PLEKHG4B: variants seen among roughly 807,000 people sequenced by gnomAD.
The protein encoded by PLEKHG4B is pleckstrin homology domain-containing family G member 4B.
PLEKHG4B carries 111 observed loss-of-function variants against 121.3 expected under a neutral mutation model. That is an observed-to-expected ratio of 0.92 (90% CI 0.78 to 1.07). The LOEUF (loss-of-function observed/expected upper bound fraction) is 1.07, where lower values mean the gene tolerates loss of function less well. Among genes scored for constraint, PLEKHG4B ranks in the 50% least tolerant of loss-of-function variants. The pLI is 0.00. For missense variants in PLEKHG4B, 1,831 were observed against 1,757.8 expected (o/e 1.04, Z -0.74); for synonymous variants, 738 against 725.0 (o/e 1.02, Z -0.29).
intron 13 of PLEKHG4B, among the ~76,000 whole-genome samples, chr5:165,502 G>A (rs1736289634): frequency 4.0e-5 from 2 of 50,034 alleles, no homozygotes; most frequent in Non-Finnish European, 8.3e-5. Flanking sequence ...ATGCTCTGAC[G>A]GGGCGGGGCT....
chr5:121,798 C>T (rs886198102), intron 2 of PLEKHG4B, among the ~76,000 whole-genome samples: 2 of 151,870 alleles, frequency 1.3e-5, no homozygotes, highest in Non-Finnish European at 2.9e-5. Context: ...AAAATAATGA[C>T]ACTTTTAGGT....
At chr5:169,838 C>A (rs1000605615) in intron 14 of PLEKHG4B, among the ~76,000 whole-genome samples, 2 of 152,222 alleles carry the variant, frequency 1.3e-5, no homozygotes, top group Non-Finnish European at 2.9e-5. Flanking sequence ...CCCCTGGAGG[C>A]GGAGGCTCAC....
Position 140,307 on chromosome 5 carries a change from C to T in PLEKHG4B, c.1068C>T (p.Tyr356=). ...CTAGACGCTGGTTCAGGGAGTCGTA[C>T]ATGGAAGCCTTGCGGAACCCCATGC... The part of the protein sequence containing the change: ...VQPRRWFRES[Y]MEALRNPMPL... The change falls in exon 3 of 20, where the codon TAC becomes TAT. Residue 356 remains tyrosine (Y), a synonymous_variant. Coordinates refer to ENST00000637938, the MANE Select transcript of PLEKHG4B (RefSeq NM_052909.5). 6.7e-7 allele frequency: 1 copy of T among 1,498,982 alleles called. No homozygotes were observed. Among genetic ancestry groups the T allele is most frequent in the Non-Finnish European group, 8.9e-7 (1 of 1,126,792 alleles). 92.9% of individuals were successfully genotyped at this position (1,498,982 alleles called of 1,614,324 possible).
At chr5:138,930 T>C (rs889470197) in intron 2 of PLEKHG4B, among the ~76,000 whole-genome samples, 6 of 152,224 alleles carry the variant, frequency 3.9e-5, no homozygotes, top group Admixed American at 6.5e-5. Flanking sequence ...GAGTGGGATC[T>C]CAGCTATTTA....
rs759866867 is a variant in PLEKHG4B, at chr5:181,689, G to T, written c.4564+14G>T. On this transcript the variant is annotated intron_variant, in intron 19 of 19. Transcript: ENST00000637938. ...TCAAGGGCACAGGTACGGTGGCTCG[G>T]TCCCGCCCTCACTCACCCTGCAGAG... The T allele has an allele frequency of 2.5e-6, 4 of 1,607,776 alleles. No individual in the cohort carries two copies. The highest frequency in any genetic ancestry group is 1.7e-5 in the Admixed American group (1 of 59,772).
intron 2 of PLEKHG4B, among the ~76,000 whole-genome samples, chr5:134,254 A>C (rs569385626): frequency 1.2e-4 from 18 of 151,258 alleles, no homozygotes; most frequent in African/African-American, 4.3e-4. Context: ...GTTCTCATTC[A>C]TAAGTGGCAG....
chr5:155,496 G>A, intron 9 of PLEKHG4B, 53 bp downstream of exon 9: 9 of 1,396,376 alleles, frequency 6.4e-6, no homozygotes, highest in Non-Finnish European at 9.2e-6. Context: ...GTAGGTGGGG[G>A]CATAAAGGTT....
intron 13 of PLEKHG4B, among the ~76,000 whole-genome samples, chr5:164,652 C>CAGG (rs1553990097): frequency 6.7e-5 from 7 of 104,350 alleles, no homozygotes; most frequent in East Asian, 2.8e-4. Context: ...AATGCTCTGA[C>CAGG]GGGCGGAGCT....
chr5:106,341 CT>C (rs1258169706), intron 1 of PLEKHG4B, among the ~76,000 whole-genome samples: 1 of 152,222 alleles, frequency 6.6e-6, no homozygotes, highest in Non-Finnish European at 1.5e-5. Context: ...GGCCTGACAG[CT>C]CCCCCATCCA....
In PLEKHG4B at chr5:101,604, C is replaced by T. The variant is rs550042749; in HGVS notation, c.45+9328C>T. Among the ~76,000 whole-genome samples the T allele has an allele frequency of 7.8e-3, 839 of 108,180 alleles. 6 individuals are homozygous for T. Among genetic ancestry groups the T allele is most frequent in the Non-Finnish European group, 8.6e-3 (477 of 55,730 alleles). The allele number at this position is 108,180 out of a possible 152,430, so 71.0% of individuals were successfully genotyped here. On this transcript the variant is annotated intron_variant, in intron 1 of 19. Coordinates refer to ENST00000637938, the MANE Select transcript of PLEKHG4B (RefSeq NM_052909.5). ...GTTGTGAGGTAAATCCATATAAAGC[C>T]CTGGGAAAAGTCTGTAGGGGAGAGA...
chr5:95,780 C>A (rs1379855254), intron 1 of PLEKHG4B, among the ~76,000 whole-genome samples: 1 of 152,110 alleles, frequency 6.6e-6, no homozygotes, highest in Non-Finnish European at 1.5e-5. Flanking sequence ...ATGGAGGGGA[C>A]TACCAACCCT....
At chr5:127,666 T>TTG (rs1019052931) in intron 2 of PLEKHG4B, among the ~76,000 whole-genome samples, 10 of 152,050 alleles carry the variant, frequency 6.6e-5, no homozygotes, top group African/African-American at 2.4e-4. Context: ...AATATTGAAC[T>TTG]TGCACCTCTT....
chr5:119,516 G>A (rs763277481), intron 2 of PLEKHG4B, among the ~76,000 whole-genome samples: 14 of 152,198 alleles, frequency 9.2e-5, no homozygotes, highest in Non-Finnish European at 1.6e-4. Flanking sequence ...GATGTGTCCA[G>A]TTACAATGTG....
chr5:144,940 T>C lies in PLEKHG4B; in HGVS notation c.1905+20T>C, dbSNP rs1735356338. 1.2e-6 allele frequency: 2 copies of C among 1,608,322 alleles called. No homozygotes were observed. Among genetic ancestry groups the C allele is most frequent in the African/African-American group, 1.3e-5 (1 of 74,796 alleles). The stretch of plus-strand genomic sequence containing the variant: ...TTGCAGGTACGGCAAGGTTGTCATA[T>C]CCCTTGGGTGTGCAGAGCATCGTAG... On this transcript the variant is annotated intron_variant, in intron 6 of 19. Transcript: ENST00000637938.
chr5:132,057 A>G (rs888639626), intron 2 of PLEKHG4B, among the ~76,000 whole-genome samples: 3 of 152,232 alleles, frequency 2.0e-5, no homozygotes, highest in Non-Finnish European at 4.4e-5. Flanking sequence ...CACAAACAGT[A>G]TTGTCCTCGG....
intron 1 of PLEKHG4B, among the ~76,000 whole-genome samples, chr5:106,901 C>T (rs1368309519): frequency 2.0e-5 from 3 of 152,118 alleles, no homozygotes; most frequent in Non-Finnish European, 4.4e-5. Context: ...CGTGTATGTA[C>T]GTGTGTGTGC....
At chr5:174,954 C>T (rs1396788798) in intron 18 of PLEKHG4B, among the ~76,000 whole-genome samples, 1 of 152,074 alleles carries the variant, frequency 6.6e-6, no homozygotes, top group Non-Finnish European at 1.5e-5. Flanking sequence ...CCATTTTCTT[C>T]CCCATGGGCA....
chr5:161,212 A>G (rs1372428418), intron 11 of PLEKHG4B, among the ~76,000 whole-genome samples: 2 of 152,266 alleles, frequency 1.3e-5, no homozygotes, highest in Admixed American at 6.5e-5. Flanking sequence ...TCCGTCCAGC[A>G]GGGCTCAGCC....
intron 2 of PLEKHG4B, among the ~76,000 whole-genome samples, chr5:119,676 G>T (rs909125215): frequency 6.6e-6 from 1 of 152,214 alleles, no homozygotes; most frequent in African/African-American, 2.4e-5. Context: ...CGTCCTAAAT[G>T]AGTAAATAAC....
Sources: allele counts gnomAD v4.1 joint callset (sites outside exome capture counted in the v4.1 genomes callset), GRCh38; gene constraint gnomAD v4.1.1; transcripts MANE v1.5; gene names NCBI Gene and HGNC (gene_info 2026-07-23, HGNC 2026-07-21).